The following CES5A variants were observed in gnomAD, a reference collection of about 807,000 sequenced individuals.
CES5A encodes carboxylesterase 5.
Under a neutral mutation model 62.9 loss-of-function variants are expected in CES5A, and 67 were observed. That is an observed-to-expected ratio of 1.07 (90% CI 0.88 to 1.31). CES5A has a LOEUF of 1.31. CES5A is among the 50% of genes most tolerant of loss of function. The pLI, the probability that CES5A is intolerant of heterozygous loss-of-function variation, is 0.00. For synonymous variants in CES5A, 296 were observed against 280.8 expected (o/e 1.05, Z -0.54); for missense variants, 748 against 708.5 (o/e 1.06, Z -0.63).
chr16:55,882,039 A>C (rs2033767176), intron 1 of CES5A, among the ~76,000 whole-genome samples: 1 of 152,186 alleles, frequency 6.6e-6, no homozygotes, highest in East Asian at 1.9e-4. Context: ...TTTAACTTGT[A>C]AAATCAGAGA....
At chr16:55,925,425 A>C (rs2034248643) in exon 1 of CES5A, 1 of 152,136 alleles carries the variant, frequency 6.6e-6, no homozygotes, top group Non-Finnish European at 1.5e-5. Context: ...AATGTAAATT[A>C]GCACAGCCAT....
chr16:55,899,425 GC>G (rs1166569463), intron 1 of CES5A, among the ~76,000 whole-genome samples: 1 of 152,158 alleles, frequency 6.6e-6, no homozygotes, highest in Non-Finnish European at 1.5e-5. Flanking sequence ...CCCTCAAGAG[GC>G]CCCATGAAAA....
chr16:55,877,464 GTGTA>G (rs1197680150), upstream of CES5A, among the ~76,000 whole-genome samples: 997 of 114,576 alleles, frequency 8.7e-3, 15 homozygotes, highest in African/African-American at 0.03. Flanking sequence ...ATGTGTGTGT[GTGTA>G]TATATATATA....
chr16:55,947,255 C>T (rs2034505006), intron 2 of CES5A, among the ~76,000 whole-genome samples: 1 of 152,170 alleles, frequency 6.6e-6, no homozygotes, highest in African/African-American at 2.4e-5. Context: ...AGAAGAGACA[C>T]TGAGTGATCA....
upstream of CES5A, among the ~76,000 whole-genome samples, chr16:55,878,130 G>A (rs562926664): frequency 6.9e-4 from 105 of 152,248 alleles, no homozygotes; most frequent in Non-Finnish European, 9.9e-4. Flanking sequence ...TTGCTCTGCT[G>A]AAACCCTGAG....
intron 1 of CES5A, among the ~76,000 whole-genome samples, chr16:55,893,771 T>C (rs374233699): frequency 6.6e-6 from 1 of 152,026 alleles, no homozygotes; most frequent in African/African-American, 2.4e-5. Context: ...GTAATTGAAA[T>C]CCAAAAGAGC....
chr16:55,916,829 C>T (rs1358934146), intron 1 of CES5A, among the ~76,000 whole-genome samples: 1 of 152,230 alleles, frequency 6.6e-6, no homozygotes, highest in Non-Finnish European at 1.5e-5. Flanking sequence ...CCAGTCCTCT[C>T]CAACAGGCCT....
chr16:55,864,018 T>A (rs2033406982), intron 5 of CES5A, among the ~76,000 whole-genome samples: 1 of 152,166 alleles, frequency 6.6e-6, no homozygotes, highest in South Asian at 2.1e-4. Flanking sequence ...AGTGCTGGGA[T>A]GACAGGCGTG....
At chr16:55,911,460 T>G (rs2034092131) in intron 1 of CES5A, among the ~76,000 whole-genome samples, 2 of 152,180 alleles carry the variant, frequency 1.3e-5, no homozygotes, top group South Asian at 2.1e-4. Context: ...ACTCACCCAT[T>G]TATTGTGCTC....
chr16:55,859,433 G>A, intron 8 of CES5A, 114 bp downstream of exon 8: 1 of 997,104 alleles, frequency 1.0e-6, no homozygotes, highest in Admixed American at 2.3e-5. Context: ...GTGCTTGGCT[G>A]GTGGGCTCCA....
At chr16:55,906,154 G>A (rs1207391162) in intron 1 of CES5A, among the ~76,000 whole-genome samples, 1 of 152,148 alleles carries the variant, frequency 6.6e-6, no homozygotes, top group Non-Finnish European at 1.5e-5. Context: ...GATCAACTCT[G>A]GTGTCCCTCC....
At chr16:55,907,958 T>C (rs1160752495) in intron 1 of CES5A, among the ~76,000 whole-genome samples, 2 of 152,160 alleles carry the variant, frequency 1.3e-5, no homozygotes, top group South Asian at 2.1e-4. Context: ...ACTGGATCCC[T>C]CCATTCCTAC....
intron 1 of CES5A, among the ~76,000 whole-genome samples, chr16:55,905,185 C>T (rs1427933645): frequency 6.6e-6 from 1 of 152,074 alleles, no homozygotes; most frequent in Non-Finnish European, 1.5e-5. Flanking sequence ...TCCTGCCCTC[C>T]CCATCCATTA....
At chr16:55,877,594 C>G (rs2033712524), upstream of CES5A, among the ~76,000 whole-genome samples, 1 of 152,116 alleles carries the variant, frequency 6.6e-6, no homozygotes, top group Non-Finnish European at 1.5e-5. Context: ...GCTGTTCTCT[C>G]TAGGTACCAC....
intron 3 of CES5A, 73 bp from the exon 4 acceptor site, chr16:55,869,817 C>T (rs1294479909): frequency 2.8e-5 from 43 of 1,513,904 alleles, no homozygotes; most frequent in Non-Finnish European, 4.4e-6. Flanking sequence ...TTGAGGCACA[C>T]GTTCTTAAGG....
At chr16:55,928,797 G>T (rs2034282184), upstream of CES5A, among the ~76,000 whole-genome samples, 1 of 152,118 alleles carries the variant, frequency 6.6e-6, no homozygotes, top group Non-Finnish European at 1.5e-5. Flanking sequence ...GCTGTTAATT[G>T]TTAGTCCTCT....
At chr16:55,918,979 G>C (rs1372844132) in intron 1 of CES5A, among the ~76,000 whole-genome samples, 1 of 152,204 alleles carries the variant, frequency 6.6e-6, no homozygotes, top group Admixed American at 6.5e-5. Flanking sequence ...GGTCTGAGCA[G>C]AGGATCTATG....
At chr16:55,850,221 T>G (rs1460270940) in intron 10 of CES5A, among the ~76,000 whole-genome samples, 1 of 152,220 alleles carries the variant, frequency 6.6e-6, no homozygotes, top group Non-Finnish European at 1.5e-5. Flanking sequence ...TAAAGCAAAA[T>G]GTACATAAGT....
At chr16:55,861,594 A>G (rs1430789572) in intron 6 of CES5A, 78 bp from the exon 7 acceptor site, 2 of 1,001,236 alleles carry the variant, frequency 2.0e-6, no homozygotes, top group Non-Finnish European at 3.1e-6. Context: ...AATGCCCTCC[A>G]ATCAGCCACA....
Sources: gnomAD v4.1 joint callset for allele counts (sites outside exome capture counted in the v4.1 genomes callset) on GRCh38, gnomAD v4.1.1 for gene constraint, MANE v1.5 for transcripts, NCBI Gene and HGNC (gene_info 2026-07-23, HGNC 2026-07-21) for gene names.